The following SUCLG2 variants were observed in gnomAD, a reference collection of about 807,000 sequenced individuals.
SUCLG2 encodes the protein succinate-CoA ligase GDP-forming subunit beta, also known as succinate--CoA ligase [GDP-forming] subunit beta, mitochondrial.
A neutral mutation model predicts 47.9 loss-of-function variants in SUCLG2; 42 were observed. The ratio of observed to expected loss-of-function variants is 0.88; its 90% CI spans 0.69 to 1.14. The LOEUF is 1.14. SUCLG2 is among the 50% of genes most tolerant of loss of function. SUCLG2 has a pLI of 0.00. For synonymous variants in SUCLG2, 195 were observed against 197.3 expected, an observed-to-expected ratio of 0.99 and a Z score of 0.10; for missense variants, 571 against 525.9, an observed-to-expected ratio of 1.09 and a Z score of -0.84.
intron 10 of SUCLG2, among the ~76,000 whole-genome samples, chr3:67,387,566 C>T (rs1012603958): frequency 6.6e-6 from 1 of 152,138 alleles, no homozygotes; most frequent in Non-Finnish European, 1.5e-5. Context: ...AGTTACCCTG[C>T]CTTAAATTTT....
rs55687048 is a variant in SUCLG2, at chr3:67,552,172, CA to C, written c.227-22987del. 7.2e-3 allele frequency among the ~76,000 whole-genome samples: 546 copies of C among 75,482 alleles called. 2 individuals are homozygous for C. Among genetic ancestry groups the C allele is most frequent in the Middle Eastern group, 0.01 (1 of 96 alleles). The allele number at this position is 75,482 out of a possible 152,430, so 49.5% of individuals were successfully genotyped here. On this transcript the variant is annotated intron_variant, in intron 2 of 10. Coordinates refer to ENST00000307227, the MANE Select transcript of SUCLG2 (RefSeq NM_003848.4). ...TGGGCAACAGAGCAAAACTCCATCTCAAAAAAAAAAAAAAAAAAAAGAAAAA... is the reference window on the plus strand; with the variant it reads ...TGGGCAACAGAGCAAAACTCCATCTCAAAAAAAAAAAAAAAAAAAGAAAAA...
downstream of SUCLG2, among the ~76,000 whole-genome samples, chr3:67,371,569 G>A (rs1701954948): frequency 6.6e-6 from 1 of 152,174 alleles, no homozygotes; most frequent in South Asian, 2.1e-4. Flanking sequence ...CCTTGTGCAA[G>A]TCCCGGAGGT....
chr3:67,428,796 T>A (rs141169854), intron 9 of SUCLG2, among the ~76,000 whole-genome samples: 2,881 of 152,154 alleles, frequency 0.019, 89 homozygotes, highest in African/African-American at 0.065. Flanking sequence ...GAGAACTACA[T>A]GATGCATGCA....
At chr3:67,533,400 A>C (rs755201975) in intron 2 of SUCLG2, among the ~76,000 whole-genome samples, 1 of 152,190 alleles carries the variant, frequency 6.6e-6, no homozygotes, top group Non-Finnish European at 1.5e-5. Context: ...TCTGTGGTTC[A>C]CTGACTGGAG....
rs138132673 is a variant in SUCLG2, at chr3:67,533,080, T to C, written c.227-3894A>G. 4.4e-3 allele frequency among the ~76,000 whole-genome samples: 674 copies of C among 152,296 alleles called. 8 individuals carry two copies. The East Asian group carries it at 0.053, about 12-fold the overall frequency. ...TCACTTAATTTTCTTAGAGATGGCT[T>C]TCTGAAAACATATTTACACAAAGTA... On this transcript the variant is annotated intron_variant, in intron 2 of 10. Transcript: ENST00000307227.
At chr3:67,450,427 C>T (rs1208953887) in intron 9 of SUCLG2, among the ~76,000 whole-genome samples, 2 of 152,130 alleles carry the variant, frequency 1.3e-5, no homozygotes, top group Non-Finnish European at 2.9e-5. Context: ...GCCATATTGG[C>T]ACCAAGAGAC....
At chr3:67,484,599 C>G (rs1169040206) in intron 9 of SUCLG2, among the ~76,000 whole-genome samples, 3 of 151,862 alleles carry the variant, frequency 2.0e-5, no homozygotes. Context: ...GAATATGGAG[C>G]AAAAAGCAAC....
intron 9 of SUCLG2, among the ~76,000 whole-genome samples, chr3:67,482,483 C>T (rs1704943912): frequency 6.6e-6 from 1 of 151,468 alleles, no homozygotes; most frequent in South Asian, 2.1e-4. Flanking sequence ...TATTTTTTTA[C>T]TTTAGCTTCA....
intron 1 of SUCLG2, among the ~76,000 whole-genome samples, chr3:67,649,276 T>G (rs915015254): frequency 6.6e-6 from 1 of 152,190 alleles, no homozygotes; most frequent in African/African-American, 2.4e-5. Context: ...AACTACAGGT[T>G]TATAGGCCAG....
At chr3:67,601,013 C>T (rs1045795725) in intron 2 of SUCLG2, among the ~76,000 whole-genome samples, 2 of 152,058 alleles carry the variant, frequency 1.3e-5, no homozygotes, top group Non-Finnish European at 2.9e-5. Flanking sequence ...CCAAAAATAA[C>T]CACAAGAGGA....
chr3:67,485,346 T>C (rs1223653509), intron 9 of SUCLG2, among the ~76,000 whole-genome samples: 1 of 152,242 alleles, frequency 6.6e-6, no homozygotes, highest in African/African-American at 2.4e-5. Flanking sequence ...CTAAGTCTTA[T>C]GGCTTACTGT....
At chr3:67,478,984 A>G (rs915642781) in intron 9 of SUCLG2, among the ~76,000 whole-genome samples, 1 of 152,238 alleles carries the variant, frequency 6.6e-6, no homozygotes, top group Non-Finnish European at 1.5e-5. Context: ...GTGGCTACAC[A>G]GAGCTAGAGA....
At chr3:67,602,911 A>G (rs530093447) in intron 2 of SUCLG2, among the ~76,000 whole-genome samples, 2 of 152,346 alleles carry the variant, frequency 1.3e-5, no homozygotes, top group South Asian at 4.1e-4. Context: ...GGAGGCTCAC[A>G]TAATCACCAA....
At chr3:67,599,838 T>C (rs747300502) in intron 2 of SUCLG2, among the ~76,000 whole-genome samples, 7 of 152,216 alleles carry the variant, frequency 4.6e-5, no homozygotes, top group Non-Finnish European at 1.0e-4. Flanking sequence ...CTGAGATAGC[T>C]TGTTTACTTA....
At chr3:67,652,207 T>A (rs1256874670) in intron 1 of SUCLG2, among the ~76,000 whole-genome samples, 2 of 151,370 alleles carry the variant, frequency 1.3e-5, no homozygotes, top group African/African-American at 4.9e-5. Context: ...GGAATATGTG[T>A]CAAATGTTAA....
In SUCLG2 at chr3:67,520,462, A is replaced by G. The variant is rs1475176793; in HGVS notation, c.570+20T>C. 5 of 1,613,786 alleles carry G rather than the reference A, an allele frequency of 3.1e-6. No homozygotes were observed. The highest frequency in any genetic ancestry group is 1.3e-5 in the African/African-American group (1 of 74,938). On this transcript the variant is annotated intron_variant, in intron 5 of 10. Coordinates refer to ENST00000307227, the MANE Select transcript of SUCLG2 (RefSeq NM_003848.4). ...CAATAACAATCAATTAATAGCAGGTAGCCCGGAATTTAAACATACCTTAAA... is the reference window on the plus strand; with the variant it reads ...CAATAACAATCAATTAATAGCAGGTGGCCCGGAATTTAAACATACCTTAAA...
chr3:67,398,696 A>T (rs1702609248), intron 10 of SUCLG2, among the ~76,000 whole-genome samples: 1 of 152,172 alleles, frequency 6.6e-6, no homozygotes, highest in Non-Finnish European at 1.5e-5. Context: ...ACTATAAATC[A>T]TGCTGCTATA....
intron 2 of SUCLG2, among the ~76,000 whole-genome samples, chr3:67,602,446 C>T (rs1315221961): frequency 6.6e-6 from 1 of 152,080 alleles, no homozygotes; most frequent in African/African-American, 2.4e-5. Flanking sequence ...CTGCAGGTCT[C>T]CTGCAGAGTG....
intron 2 of SUCLG2, among the ~76,000 whole-genome samples, chr3:67,569,830 A>G (rs567626004): frequency 4.6e-5 from 7 of 152,206 alleles, no homozygotes; most frequent in Non-Finnish European, 7.4e-5. Context: ...GGCTGTTGGG[A>G]TAGGGTGAAT....
Sources: allele counts gnomAD v4.1 joint callset (sites outside exome capture counted in the v4.1 genomes callset), GRCh38; gene constraint gnomAD v4.1.1; transcripts MANE v1.5; gene names NCBI Gene and HGNC (gene_info 2026-07-23, HGNC 2026-07-21).